The following CTSB variants were observed in gnomAD, a reference collection of about 807,000 sequenced individuals.
The protein encoded by CTSB is APP secretase.
In CTSB, 57 loss-of-function variants were observed where a neutral mutation model predicts 44.3. That is an observed-to-expected ratio of 1.29 (90% CI 1.04 to 1.60). The LOEUF (loss-of-function observed/expected upper bound fraction) is 1.60, where lower values mean the gene tolerates loss of function less well. Among genes scored for constraint, CTSB ranks in the 40% most tolerant of loss-of-function variants. The pLI, the probability that CTSB is intolerant of heterozygous loss-of-function variation, is 0.00. For synonymous variants in CTSB, 320 were observed against 168.0 expected (o/e 1.91, Z -7.00); for missense variants, 768 against 443.0 (o/e 1.73, Z -6.59).
chr8:11,848,974 C>T lies in CTSB; in HGVS notation c.446+72G>A, dbSNP rs577438858. 4.4e-6 allele frequency: 5 copies of T among 1,129,312 alleles called. No homozygotes were observed. The African/African-American group carries it at 4.6e-5, about 10-fold the overall frequency. The allele number at this position is 1,129,312 out of a possible 1,614,324, so 70.0% of individuals were successfully genotyped here. A position where few individuals can be genotyped will look rare whatever the true frequency, so the allele number is the denominator to read the frequency against. The stretch of plus-strand genomic sequence containing the variant: ...AGCAGTCCCAGGAAGTCCTCAAAGT[C>T]CCCTCCACTGAGAAGCTGGGGCCCA... On this transcript the variant is annotated intron_variant, in intron 5 of 9. Transcript: ENST00000353047.
At chr8:11,845,840 C>A (rs1451228175) in intron 8 of CTSB, 51 bp from the exon 9 acceptor site, 3 of 1,540,774 alleles carry the variant, frequency 1.9e-6, no homozygotes, top group South Asian at 1.2e-5. Context: ...TGTCCCACGC[C>A]CCACAGCACC....
At chr8:11,855,842 AC>A (rs1815416210) in intron 1 of CTSB, among the ~76,000 whole-genome samples, 1 of 151,974 alleles carries the variant, frequency 6.6e-6, no homozygotes, top group Non-Finnish European at 1.5e-5. Flanking sequence ...ACATGGTGAA[AC>A]CCCGTCTCCA....
chr8:11,855,089 C>G (rs946013472), intron 1 of CTSB, among the ~76,000 whole-genome samples: 3 of 152,208 alleles, frequency 2.0e-5, no homozygotes, highest in South Asian at 4.1e-4. Flanking sequence ...ATGGCATGAT[C>G]TCGGCTCACT....
intron 5 of CTSB, 70 bp from the exon 6 acceptor site, chr8:11,848,222 C>A (rs779561612): frequency 1.4e-6 from 2 of 1,426,046 alleles, no homozygotes; most frequent in Admixed American, 3.4e-5. Context: ...CTGTGTGCTA[C>A]CCAAGTGCCC....
intron 8 of CTSB, 57 bp downstream of exon 8, chr8:11,846,995 C>T (rs1813489775): frequency 1.1e-6 from 1 of 888,566 alleles, no homozygotes; most frequent in Admixed American, 1.7e-5. Context: ...ACCATCCTGG[C>T]ACCCAGGCTC....
Position 11,847,737 on chromosome 8 carries a change from C to G in CTSB, c.618G>C (p.Lys206Asn), listed in dbSNP as rs1468774883. ...AGCCAGGCTCACAGATCTTGCTACA[C>G]TTGGGGGTATCTCCCTCCCCCGTGC... ...PPCTGEGDTPKCSKICEPGYS... is the reference protein window; with the variant it reads ...PPCTGEGDTPNCSKICEPGYS... The change falls in exon 7 of 10, where the codon AAG (lysine) becomes AAC (asparagine). Residue 206 changes from lysine to asparagine, a missense_variant. Lys to Asn is a moderately conservative substitution (Grantham distance 94). Coordinates refer to ENST00000353047, the MANE Select transcript of CTSB (RefSeq NM_001908.5). The G allele has an allele frequency of 6.2e-7, 1 of 1,600,902 alleles. No individual in the cohort carries two copies. The highest frequency in any genetic ancestry group is 8.5e-7 in the Non-Finnish European group (1 of 1,175,572).
intron 1 of CTSB, among the ~76,000 whole-genome samples, chr8:11,859,324 G>A (rs1487559923): frequency 3.3e-5 from 5 of 152,106 alleles, no homozygotes; most frequent in East Asian, 3.8e-4. Context: ...CCTTGAAGCC[G>A]TTTCCAGGAC....
chr8:11,860,487 G>C (rs1232060951), intron 1 of CTSB, among the ~76,000 whole-genome samples: 1 of 152,120 alleles, frequency 6.6e-6, no homozygotes, highest in African/African-American at 2.4e-5. Flanking sequence ...GCCAGGCGTG[G>C]TGGTTGTGCA....
intron 1 of CTSB, among the ~76,000 whole-genome samples, chr8:11,857,338 T>A (rs1338607029): frequency 6.6e-6 from 1 of 152,104 alleles, no homozygotes; most frequent in Non-Finnish European, 1.5e-5. Flanking sequence ...TTCTTAATAA[T>A]CTTCCCCTTT....
At chr8:11,852,101 C>G (rs769319544) in intron 3 of CTSB, among the ~76,000 whole-genome samples, 34 of 152,176 alleles carry the variant, frequency 2.2e-4, no homozygotes, top group Admixed American at 1.2e-3. Flanking sequence ...CTGGGGGTGG[C>G]TCATGCCGGT....
chr8:11,851,682 G>A (rs1438681366), intron 3 of CTSB, among the ~76,000 whole-genome samples: 2 of 152,020 alleles, frequency 1.3e-5, no homozygotes, highest in Non-Finnish European at 2.9e-5. Context: ...TGTGCAGAAG[G>A]CAGTGTCGTG....
At chr8:11,861,811 TG>T (rs1816457153) in intron 1 of CTSB, among the ~76,000 whole-genome samples, 1 of 152,204 alleles carries the variant, frequency 6.6e-6, no homozygotes, top group Non-Finnish European at 1.5e-5. Context: ...TGCTCATTAG[TG>T]TTCTGCCTCT....
chr8:11,848,717 A>C (rs1233256752), intron 5 of CTSB: 1 of 310,938 alleles, frequency 3.2e-6, no homozygotes, highest in Admixed American at 4.2e-5. Flanking sequence ...ACACATAAGG[A>C]AATGCCCCAA....
intron 8 of CTSB, chr8:11,846,473 G>C (rs1322043150): frequency 6.5e-6 from 1 of 152,694 alleles, no homozygotes; most frequent in African/African-American, 2.4e-5. Flanking sequence ...AGTCAGCAAA[G>C]ACTGTTCATC....
chr8:11,854,257 G>C (rs530221164), intron 1 of CTSB, among the ~76,000 whole-genome samples: 2 of 152,166 alleles, frequency 1.3e-5, no homozygotes, highest in Non-Finnish European at 2.9e-5. Context: ...AGCTGGGTGA[G>C]GCAGGGGTTC....
rs1586046852 is a variant in CTSB, at chr8:11,842,529, G to T, written c.*2596C>A. ...CATGGAATGAATCAACTCAGTTTGG[G>T]AGCAGGGAGAACTTTATTGAGGTTA... On this transcript the variant is annotated 3_prime_UTR_variant, in exon 10 of 10. Transcript: ENST00000353047. The T allele has an allele frequency of 1.3e-5, 2 of 152,184 alleles. No individual in the cohort carries two copies. The highest frequency in any genetic ancestry group is 6.5e-5 in the Admixed American group (1 of 15,274). The allele number at this position is 152,184 out of a possible 1,614,324, so 9.4% of individuals were successfully genotyped here. A position where few individuals can be genotyped will look rare whatever the true frequency, so the allele number is the denominator to read the frequency against.
chr8:11,848,208 A>C (rs758545753), intron 5 of CTSB, 56 bp from the exon 6 acceptor site: 14 of 1,500,188 alleles, frequency 9.3e-6, no homozygotes, highest in Non-Finnish European at 1.2e-5. Context: ...AGCTCTCCAG[A>C]CCACTGTGTG....
chr8:11,849,243 G>T (rs1434069422), intron 4 of CTSB, 79 bp from the exon 5 acceptor site: 4 of 1,118,788 alleles, frequency 3.6e-6, no homozygotes, highest in African/African-American at 1.5e-5. Context: ...AAGGGCCACA[G>T]GGGCACCTCA....
Position 11,848,011 on chromosome 8 carries a change from G to A in CTSB, c.532+56C>T, listed in dbSNP as rs1279359265. 12 of 1,447,656 alleles carry A rather than the reference G, an allele frequency of 8.3e-6. No homozygotes were observed. The Admixed American group carries it at 9.2e-5, about 11-fold the overall frequency. 89.7% of individuals were successfully genotyped at this position (1,447,656 alleles called of 1,614,324 possible). A position where few individuals can be genotyped will look rare whatever the true frequency, so the allele number is the denominator to read the frequency against. Reference sequence around the variant, plus strand: ...TTATAAAGGCAAATAAAGCCATGATGGTTAATTGCTCAAACAATCCATCTG... The same window carrying A: ...TTATAAAGGCAAATAAAGCCATGATAGTTAATTGCTCAAACAATCCATCTG... On this transcript the variant is annotated intron_variant, in intron 6 of 9. Coordinates refer to ENST00000353047, the MANE Select transcript of CTSB (RefSeq NM_001908.5).
Sources: gnomAD v4.1 joint callset for allele counts (sites outside exome capture counted in the v4.1 genomes callset) on GRCh38, gnomAD v4.1.1 for gene constraint, MANE v1.5 for transcripts, NCBI Gene and HGNC (gene_info 2026-07-23, HGNC 2026-07-21) for gene names.